The following CDKAL1 variants were observed in gnomAD, a reference collection of about 807,000 sequenced individuals.
The protein encoded by CDKAL1 is threonylcarbamoyladenosine tRNA methylthiotransferase.
Under a neutral mutation model 68.2 loss-of-function variants are expected in CDKAL1, and 32 were observed. The observed-to-expected ratio is 0.47, with a 90% CI of 0.35 to 0.63. CDKAL1 has a LOEUF of 0.63. Among genes scored for constraint, CDKAL1 ranks in the 30% least tolerant of loss-of-function variants. CDKAL1 has a pLI of 0.00. For missense variants in CDKAL1, 606 were observed against 696.7 expected (o/e 0.87, Z 1.47); for synonymous variants, 234 against 244.3 (o/e 0.96, Z 0.39).
chr6:20,825,131 C>G (rs896034438), intron 8 of CDKAL1, among the ~76,000 whole-genome samples: 7 of 152,104 alleles, frequency 4.6e-5, no homozygotes, highest in Non-Finnish European at 8.8e-5. Context: ...TAACTCTTCC[C>G]TTACATTCCA....
chr6:20,680,010 AT>A (rs146711835), intron 5 of CDKAL1, among the ~76,000 whole-genome samples: 15,055 of 149,838 alleles, frequency 0.1, 2,404 homozygotes, highest in African/African-American at 0.34. Context: ...TATCAACGTT[AT>A]TTTTTTCTTT....
chr6:21,159,151 A>C (rs1042427026), intron 13 of CDKAL1, among the ~76,000 whole-genome samples: 3 of 150,944 alleles, frequency 2.0e-5, no homozygotes, highest in African/African-American at 7.3e-5. Flanking sequence ...TGTCTCATCA[A>C]AAAAAGCAGT....
chr6:20,809,104 G>A (rs970430071), intron 8 of CDKAL1, among the ~76,000 whole-genome samples: 1 of 152,100 alleles, frequency 6.6e-6, no homozygotes, highest in African/African-American at 2.4e-5. Context: ...TGTTTACAGT[G>A]GAAAGCATAA....
At chr6:21,223,004 A>C (rs112551301) in intron 15 of CDKAL1, among the ~76,000 whole-genome samples, 10,857 of 152,188 alleles carry the variant, frequency 0.071, 1,097 homozygotes, top group African/African-American at 0.23. Flanking sequence ...ACAAATTCGC[A>C]ACGTGGCTCA....
intron 8 of CDKAL1, among the ~76,000 whole-genome samples, chr6:20,844,026 A>G (rs1047160288): frequency 3.9e-5 from 6 of 152,134 alleles, no homozygotes; most frequent in Non-Finnish European, 4.4e-5. Context: ...TACCATAAAC[A>G]GCTTTGAGAA....
chr6:20,981,724 C>G (rs1766159637), intron 10 of CDKAL1, among the ~76,000 whole-genome samples: 1 of 152,070 alleles, frequency 6.6e-6, no homozygotes, highest in African/African-American at 2.4e-5. Flanking sequence ...GCCTATAATC[C>G]CAGCTACTTA....
intron 15 of CDKAL1, among the ~76,000 whole-genome samples, chr6:21,214,866 G>A (rs1294357858): frequency 1.4e-5 from 2 of 141,374 alleles, no homozygotes; most frequent in African/African-American, 2.5e-5. Context: ...CTCAGTAAAC[G>A]TCTGTTGGAT....
At chr6:21,020,488 A>T (rs981421610) in intron 11 of CDKAL1, among the ~76,000 whole-genome samples, 1 of 151,998 alleles carries the variant, frequency 6.6e-6, no homozygotes, top group African/African-American at 2.4e-5. Flanking sequence ...TTATTTTGAG[A>T]TAGAGTTTCA....
chr6:20,827,360 C>T (rs1777542441), intron 8 of CDKAL1, among the ~76,000 whole-genome samples: 1 of 152,154 alleles, frequency 6.6e-6, no homozygotes, highest in African/African-American at 2.4e-5. Flanking sequence ...TGGCGCTGCC[C>T]TATAAATGCT....
intron 5 of CDKAL1, among the ~76,000 whole-genome samples, chr6:20,689,913 A>G (rs116448008): frequency 0.018 from 2,771 of 152,330 alleles, 92 homozygotes; most frequent in African/African-American, 0.063. Context: ...TTAGTGTTAC[A>G]GAATAGCTAA....
intron 7 of CDKAL1, among the ~76,000 whole-genome samples, chr6:20,758,996 T>C (rs1456019403): frequency 6.6e-6 from 1 of 151,850 alleles, no homozygotes; most frequent in Non-Finnish European, 1.5e-5. Context: ...AAAGTCAGCT[T>C]GATGCTGTGG....
At chr6:20,706,472 C>T (rs1771600685) in intron 5 of CDKAL1, among the ~76,000 whole-genome samples, 1 of 152,162 alleles carries the variant, frequency 6.6e-6, no homozygotes, top group Admixed American at 6.5e-5. Context: ...CTACTACAAT[C>T]CAGACTTTAA....
At chr6:20,941,193 A>G (rs2150696755) in intron 9 of CDKAL1, among the ~76,000 whole-genome samples, 1 of 149,978 alleles carries the variant, frequency 6.7e-6, no homozygotes, top group East Asian at 1.9e-4. Flanking sequence ...TACAGGTTTT[A>G]TTACTCTTAA....
chr6:20,979,839 C>T (rs1436555395), intron 10 of CDKAL1, among the ~76,000 whole-genome samples: 1 of 150,376 alleles, frequency 6.6e-6, no homozygotes, highest in African/African-American at 2.5e-5. Context: ...TGGCATAATC[C>T]CAACTCACTG....
chr6:21,182,992 A>G (rs954856678), intron 13 of CDKAL1, among the ~76,000 whole-genome samples: 2 of 152,232 alleles, frequency 1.3e-5, no homozygotes, highest in Admixed American at 6.5e-5. Flanking sequence ...CCATCTCTTC[A>G]TGTTTGCCTT....
chr6:21,041,872 G>C (rs1434579403), intron 11 of CDKAL1, among the ~76,000 whole-genome samples: 1 of 151,998 alleles, frequency 6.6e-6, no homozygotes, highest in African/African-American at 2.4e-5. Flanking sequence ...CAGTAAAATT[G>C]CTTTTGATAA....
chr6:20,741,225 A>G (rs561003369), intron 6 of CDKAL1, among the ~76,000 whole-genome samples: 29 of 151,976 alleles, frequency 1.9e-4, no homozygotes, highest in African/African-American at 6.8e-4. Flanking sequence ...TGTCAGTCCA[A>G]TTTTCAGGGC....
chr6:20,903,812 G>A (rs1043489423), intron 9 of CDKAL1, among the ~76,000 whole-genome samples: 1 of 152,174 alleles, frequency 6.6e-6, no homozygotes, highest in Non-Finnish European at 1.5e-5. Context: ...TGCAGAAGAG[G>A]ATTCTGGGAA....
intron 6 of CDKAL1, 113 bp downstream of exon 6, chr6:20,739,728 C>T: frequency 1.9e-6 from 1 of 540,234 alleles, no homozygotes. Flanking sequence ...ACACTTATGG[C>T]TGTCCTAAAC....
Sources: allele counts gnomAD v4.1 joint callset (sites outside exome capture counted in the v4.1 genomes callset), GRCh38; gene constraint gnomAD v4.1.1; transcripts MANE v1.5; gene names NCBI Gene and HGNC (gene_info 2026-07-23, HGNC 2026-07-21).